FILIP1L: variants seen among roughly 807,000 people sequenced by gnomAD.
The protein encoded by FILIP1L is filamin A interacting protein 1 like.
FILIP1L carries 55 observed loss-of-function variants against 96.6 expected under a neutral mutation model. The observed-to-expected ratio is 0.57, with a 90% CI of 0.46 to 0.71. The LOEUF is 0.71. Among genes scored for constraint, FILIP1L ranks in the 30% least tolerant of loss-of-function variants. FILIP1L has a pLI of 0.00. For synonymous variants in FILIP1L, 467 were observed against 473.9 expected (o/e 0.99, Z 0.19); for missense variants, 1,304 against 1,321.2 (o/e 0.99, Z 0.20).
chr3:99,889,444 A>C (rs1000053667), intron 4 of FILIP1L, among the ~76,000 whole-genome samples: 1 of 151,990 alleles, frequency 6.6e-6, no homozygotes, highest in Non-Finnish European at 1.5e-5. Flanking sequence ...TTTTACTTTC[A>C]GCTTTACCAT....
At chr3:99,888,804 T>C (rs1028898221) in intron 4 of FILIP1L, among the ~76,000 whole-genome samples, 1 of 152,184 alleles carries the variant, frequency 6.6e-6, no homozygotes, top group African/African-American at 2.4e-5. Flanking sequence ...TAAATTTCCT[T>C]GCAAAAAAAT....
intron 1 of FILIP1L, among the ~76,000 whole-genome samples, chr3:100,057,639 A>G (rs1025146867): frequency 2.8e-4 from 42 of 152,150 alleles, no homozygotes; most frequent in Admixed American, 2.4e-3. Context: ...TTGAAATCCA[A>G]TGCTTTGGGA....
intron 1 of FILIP1L, among the ~76,000 whole-genome samples, chr3:100,035,322 G>A (rs1293324310): frequency 6.6e-6 from 1 of 152,194 alleles, no homozygotes; most frequent in Non-Finnish European, 1.5e-5. Context: ...CACCCAGGCT[G>A]GAGTTCAATG....
intron 3 of FILIP1L, among the ~76,000 whole-genome samples, chr3:99,928,521 A>G (rs1463029453): frequency 6.6e-6 from 1 of 152,226 alleles, no homozygotes; most frequent in East Asian, 1.9e-4. Context: ...GGGGCACCTT[A>G]CAGAGTTAAG....
chr3:100,023,315 A>G (rs1390593418), intron 1 of FILIP1L: 1 of 152,622 alleles, frequency 6.6e-6, no homozygotes, highest in East Asian at 1.9e-4. Flanking sequence ...TTTTATGCAA[A>G]CAGAGCCTGG....
chr3:100,064,332 A>T (rs1436620145), intron 1 of FILIP1L, among the ~76,000 whole-genome samples: 1 of 151,616 alleles, frequency 6.6e-6, no homozygotes, highest in Non-Finnish European at 1.5e-5. Context: ...TAAAGGACCA[A>T]TTTGCCACCA....
chr3:99,999,600 CT>C (rs1344938968), intron 1 of FILIP1L, among the ~76,000 whole-genome samples: 1 of 152,170 alleles, frequency 6.6e-6, no homozygotes, highest in Non-Finnish European at 1.5e-5. Flanking sequence ...AGTCTTGAAT[CT>C]GTTAGAGAGG....
chr3:99,934,071 G>C (rs1707579397), intron 1 of FILIP1L, among the ~76,000 whole-genome samples: 1 of 152,202 alleles, frequency 6.6e-6, no homozygotes, highest in South Asian at 2.1e-4. Flanking sequence ...CATCTCAGCT[G>C]TATGTGACTC....
intron 1 of FILIP1L, among the ~76,000 whole-genome samples, chr3:100,010,591 A>G (rs1710116365): frequency 6.6e-6 from 1 of 150,892 alleles, no homozygotes; most frequent in Admixed American, 6.6e-5. Context: ...AGCATTCTAT[A>G]TCATCTGAGA....
chr3:100,064,339 A>T (rs1240960987), intron 1 of FILIP1L, among the ~76,000 whole-genome samples: 2 of 151,720 alleles, frequency 1.3e-5, no homozygotes, highest in African/African-American at 4.8e-5. Context: ...CCAATTTGCC[A>T]CCAGCTCCCC....
intron 1 of FILIP1L, among the ~76,000 whole-genome samples, chr3:99,958,870 G>T (rs180935482): frequency 6.6e-6 from 1 of 152,114 alleles, no homozygotes; most frequent in African/African-American, 2.4e-5. Context: ...AAGAATTTTG[G>T]CTTTACACTT....
rs555809950 is a variant in FILIP1L at position 99,865,165 on chromosome 3, G to A, written c.606-14095C>T. 1.0e-3 allele frequency among the ~76,000 whole-genome samples: 158 copies of A among 152,234 alleles called. 1 individual carries two copies. Among genetic ancestry groups the A allele is most frequent in the Non-Finnish European group, 1.7e-3 (117 of 68,012 alleles). On this transcript the variant is annotated intron_variant, in intron 4 of 5. Coordinates refer to ENST00000477258, the MANE Select transcript of FILIP1L (RefSeq NM_001387850.1). The stretch of plus-strand genomic sequence containing the variant: ...GAACAATTTTTATATGCCATGTACC[G>A]TGTTAGTCCTGCAAACAGTCATAGG...
chr3:99,978,224 A>G (rs984378293), intron 1 of FILIP1L, among the ~76,000 whole-genome samples: 1 of 152,158 alleles, frequency 6.6e-6, no homozygotes, highest in East Asian at 1.9e-4. Flanking sequence ...TTCAAATCCA[A>G]CCATCTCCAA....
intron 5 of FILIP1L, among the ~76,000 whole-genome samples, chr3:99,840,834 G>C (rs1943100885): frequency 6.6e-6 from 1 of 152,210 alleles, no homozygotes; most frequent in African/African-American, 2.4e-5. Flanking sequence ...ACTAGAACCT[G>C]ATCTATTTGC....
At chr3:100,093,797 C>G (rs1377629060) in intron 1 of FILIP1L, among the ~76,000 whole-genome samples, 1 of 152,226 alleles carries the variant, frequency 6.6e-6, no homozygotes, top group African/African-American at 2.4e-5. Flanking sequence ...TAGAATCATA[C>G]AACATGTAAC....
At chr3:99,974,102 T>A (rs1708899782) in intron 1 of FILIP1L, among the ~76,000 whole-genome samples, 1 of 152,226 alleles carries the variant, frequency 6.6e-6, no homozygotes, top group Non-Finnish European at 1.5e-5. Context: ...TGTTTCTTTT[T>A]AATGGTCTTT....
At chr3:99,888,360 C>T (rs1275176697) in intron 4 of FILIP1L, among the ~76,000 whole-genome samples, 1 of 151,542 alleles carries the variant, frequency 6.6e-6, no homozygotes, top group Non-Finnish European at 1.5e-5. Context: ...AGTGAGACTC[C>T]ATAGCTTAAA....
intron 5 of FILIP1L, among the ~76,000 whole-genome samples, chr3:99,840,993 G>T (rs1353106789): frequency 3.3e-5 from 5 of 152,066 alleles, no homozygotes; most frequent in Admixed American, 3.3e-4. Flanking sequence ...TCATTTCTTT[G>T]CCCAGGTTAA....
intron 1 of FILIP1L, among the ~76,000 whole-genome samples, chr3:99,996,723 A>T (rs2107150348): frequency 6.6e-6 from 1 of 152,212 alleles, no homozygotes. Flanking sequence ...CAAAAGCGGA[A>T]ACTCCTGATA....
Sources: gnomAD v4.1 joint callset for allele counts (sites outside exome capture counted in the v4.1 genomes callset) on GRCh38, gnomAD v4.1.1 for gene constraint, MANE v1.5 for transcripts, NCBI Gene and HGNC (gene_info 2026-07-23, HGNC 2026-07-21) for gene names.